The following PRKD1 variants were observed in gnomAD, a reference collection of about 807,000 sequenced individuals.
PRKD1 encodes the protein serine/threonine-protein kinase D1.
PRKD1 carries 63 observed loss-of-function variants against 95.9 expected under a neutral mutation model. The observed-to-expected ratio is 0.66, with a 90% confidence interval of 0.54 to 0.81. The LOEUF (loss-of-function observed/expected upper bound fraction) is 0.81, where lower values mean the gene tolerates loss of function less well. Among genes scored for constraint, PRKD1 ranks in the 30% least tolerant of loss-of-function variants. PRKD1 has a pLI of 0.00. For synonymous variants in PRKD1, 425 were observed against 423.1 expected (o/e 1.00, Z -0.05); for missense variants, 1,048 against 1,165.3 (o/e 0.90, Z 1.47).
chr14:29,616,410 A>G (rs187906920), intron 13 of PRKD1, among the ~76,000 whole-genome samples: 16 of 151,072 alleles, frequency 1.1e-4, no homozygotes, highest in Admixed American at 4.0e-4. Context: ...CGCAGCCTAG[A>G]TAAATCAAGA....
At chr14:29,839,916 A>G (rs1891764124) in intron 1 of PRKD1, among the ~76,000 whole-genome samples, 1 of 150,772 alleles carries the variant, frequency 6.6e-6, no homozygotes, top group African/African-American at 2.4e-5. Flanking sequence ...CCACAAAACC[A>G]TTTTTTCCTC....
At chr14:29,597,940 G>T (rs1347439423) in intron 15 of PRKD1, among the ~76,000 whole-genome samples, 182 bp from the exon 16 acceptor site, 1 of 152,144 alleles carries the variant, frequency 6.6e-6, no homozygotes, top group Non-Finnish European at 1.5e-5. Flanking sequence ...GGTTTATGTA[G>T]TGATACAAAA....
intron 1 of PRKD1, among the ~76,000 whole-genome samples, chr14:29,815,085 G>C (rs993732197): frequency 5.3e-5 from 8 of 152,238 alleles, no homozygotes; most frequent in African/African-American, 1.7e-4. Context: ...ATCTATTTGA[G>C]AGGTTTCTCA....
rs552762905 is a variant in PRKD1 at position 29,678,077 on chromosome 14, T to C, written c.404-11869A>G. ...AAACTGATTCACTGATAATGTCAAA[T>C]CATCTTATTTCTAGAATAACTTACT... is the stretch of plus-strand genomic sequence containing the variant. On this transcript the variant is annotated intron_variant, in intron 2 of 17. Transcript: ENST00000331968. Among the ~76,000 whole-genome samples the C allele has an allele frequency of 3.3e-5, 5 of 152,348 alleles. No homozygotes were observed. The East Asian group carries it at 7.7e-4, about 24-fold the overall frequency.
intron 1 of PRKD1, among the ~76,000 whole-genome samples, chr14:29,770,343 G>C (rs561533095): frequency 6.6e-6 from 1 of 152,326 alleles, no homozygotes; most frequent in South Asian, 2.1e-4. Context: ...GGAAAGTCTT[G>C]AAGTGAATGC....
chr14:29,591,227 T>TA (rs1893116186), intron 16 of PRKD1: 1 of 152,230 alleles, frequency 6.6e-6, no homozygotes, highest in Non-Finnish European at 1.5e-5. Context: ...CTTCTTTTCT[T>TA]ATTCTCACTA....
rs375577376 is a variant in PRKD1, at chr14:29,631,515, T to C, written c.1393-494A>G. ...TTAAAATGGTCTTTTTTTTTTTTTT[T>C]CCAAGAAAGAATCTTGCTCCGTCAC... On this transcript the variant is annotated intron_variant, in intron 9 of 17. Coordinates refer to ENST00000331968, the MANE Select transcript of PRKD1 (RefSeq NM_002742.3). 5.3e-5 allele frequency among the ~76,000 whole-genome samples: 8 copies of C among 151,832 alleles called. No homozygotes were observed. In the East Asian group the frequency reaches 9.7e-4, roughly 18 times the overall value.
chr14:29,893,801 T>C (rs1378265609), intron 1 of PRKD1, among the ~76,000 whole-genome samples: 1 of 152,186 alleles, frequency 6.6e-6, no homozygotes, highest in Non-Finnish European at 1.5e-5. Flanking sequence ...GATATGACTC[T>C]ACACTAACAC....
At chr14:29,609,622 C>A (rs914242627) in intron 13 of PRKD1, among the ~76,000 whole-genome samples, 27 of 151,668 alleles carry the variant, frequency 1.8e-4, no homozygotes, top group African/African-American at 6.5e-4. Context: ...CTCACTGCAA[C>A]CTCCACCTCC....
intron 13 of PRKD1, among the ~76,000 whole-genome samples, chr14:29,619,167 CTT>C (rs560542403): frequency 6.8e-6 from 1 of 147,086 alleles, no homozygotes; most frequent in African/African-American, 2.5e-5. Flanking sequence ...AATCACGGTA[CTT>C]TTTTTTTTTA....
chr14:29,805,864 C>T (rs1890210531), intron 1 of PRKD1, among the ~76,000 whole-genome samples: 2 of 152,102 alleles, frequency 1.3e-5, no homozygotes, highest in Admixed American at 1.3e-4. Context: ...TGTAAGTTGC[C>T]AATGAAGGGG....
intron 1 of PRKD1, among the ~76,000 whole-genome samples, chr14:29,810,501 T>C (rs1890437819): frequency 6.6e-6 from 1 of 152,266 alleles, no homozygotes; most frequent in Non-Finnish European, 1.5e-5. Context: ...AAATGTTTTC[T>C]ATCAGCATGC....
intron 2 of PRKD1, among the ~76,000 whole-genome samples, chr14:29,717,313 AT>A (rs1473851568): frequency 6.6e-6 from 1 of 152,128 alleles, no homozygotes; most frequent in African/African-American, 2.4e-5. Flanking sequence ...AGTACTTTAC[AT>A]TTGGCAACCA....
In PRKD1 at chr14:29,891,629, C is replaced by A. The variant is rs1483710029; in HGVS notation, c.264+35620G>T. Reference sequence around the variant, plus strand: ...CTAAGGCAGGGTCTCTCATAATCCACCTTTACTACTGGATGGTAAATTTTT... The same window carrying A: ...CTAAGGCAGGGTCTCTCATAATCCAACTTTACTACTGGATGGTAAATTTTT... On this transcript the variant is annotated intron_variant, in intron 1 of 17. Coordinates refer to ENST00000331968, the MANE Select transcript of PRKD1 (RefSeq NM_002742.3). 4.6e-5 allele frequency among the ~76,000 whole-genome samples: 7 copies of A among 151,886 alleles called. No homozygotes were observed. In the East Asian group the frequency reaches 1.3e-3, roughly 29 times the overall value.
At chr14:29,802,459 G>A (rs1308047787) in intron 1 of PRKD1, among the ~76,000 whole-genome samples, 1 of 152,196 alleles carries the variant, frequency 6.6e-6, no homozygotes, top group African/African-American at 2.4e-5. Context: ...CACCACAGTA[G>A]ATGGATTAGA....
intron 1 of PRKD1, among the ~76,000 whole-genome samples, chr14:29,913,565 T>A (rs1481053521): frequency 6.6e-6 from 1 of 152,232 alleles, no homozygotes; most frequent in African/African-American, 2.4e-5. Flanking sequence ...GCAAAGATCA[T>A]GCAAGATGTA....
At chr14:29,783,249 G>T (rs961677598) in intron 1 of PRKD1, among the ~76,000 whole-genome samples, 2 of 152,132 alleles carry the variant, frequency 1.3e-5, no homozygotes, top group Non-Finnish European at 1.5e-5. Flanking sequence ...AGAACATGGA[G>T]TACTTGTCTT....
At chr14:29,778,652 C>T (rs553538649) in intron 1 of PRKD1, among the ~76,000 whole-genome samples, 2 of 152,162 alleles carry the variant, frequency 1.3e-5, no homozygotes, top group African/African-American at 4.8e-5. Flanking sequence ...ATTAATAGCA[C>T]ACCATCCAAA....
In PRKD1 at chr14:29,811,377, C is replaced by T. The variant is rs573768545; in HGVS notation, c.265-85703G>A. On this transcript the variant is annotated intron_variant, in intron 1 of 17. Coordinates refer to ENST00000331968, the MANE Select transcript of PRKD1 (RefSeq NM_002742.3). Reference sequence around the variant, plus strand: ...GCCAGAGCAATGCTCTGTGCACCACCTAGGAGAGGTGAGCTGGACATCTCC... The same window carrying T: ...GCCAGAGCAATGCTCTGTGCACCACTTAGGAGAGGTGAGCTGGACATCTCC... 7.9e-5 allele frequency among the ~76,000 whole-genome samples: 12 copies of T among 152,304 alleles called. No individual in the cohort carries two copies. In the South Asian group the frequency reaches 1.9e-3, roughly 24 times the overall value.
Sources: allele counts gnomAD v4.1 joint callset (sites outside exome capture counted in the v4.1 genomes callset), GRCh38; gene constraint gnomAD v4.1.1; transcripts MANE v1.5; gene names NCBI Gene and HGNC (gene_info 2026-07-23, HGNC 2026-07-21).